Variants in C9orf72 observed in about 807,000 individuals in gnomAD.
C9orf72 encodes guanine nucleotide exchange factor C9orf72.
Under a neutral mutation model 51.6 loss-of-function variants are expected in C9orf72, and 44 were observed. That is an observed-to-expected ratio of 0.85 (90% CI 0.67 to 1.10). C9orf72 has a LOEUF of 1.10. Among genes scored for constraint, C9orf72 ranks in the 50% least tolerant of loss-of-function variants. The probability of loss-of-function intolerance (pLI) is 0.00; values close to 1 mark genes in which losing one functional copy is unlikely to be tolerated. For synonymous variants in C9orf72, 213 were observed against 194.2 expected (o/e 1.10, Z -0.81); for missense variants, 607 against 570.6 (o/e 1.06, Z -0.65).
At chr9:27,561,473 C>G in intron 5 of C9orf72, 112 bp downstream of exon 5, 1 of 1,178,904 alleles carries the variant, frequency 8.5e-7, no homozygotes, top group Non-Finnish European at 1.2e-6. Flanking sequence ...CGTAATGTCC[C>G]TAGAACAATC....
At chr9:27,548,507 C>CA (rs753837506) in intron 10 of C9orf72, 50 bp downstream of exon 10, 4 of 1,182,262 alleles carry the variant, frequency 3.4e-6, no homozygotes, top group East Asian at 3.0e-5. Context: ...GGAAACAAAA[C>CA]AAAAAAACAA....
chr9:27,558,089 TA>T (rs1819251816), intron 7 of C9orf72, among the ~76,000 whole-genome samples: 2 of 149,928 alleles, frequency 1.3e-5, no homozygotes, highest in Admixed American at 6.6e-5. Context: ...ATATATATTT[TA>T]GTACACATAC....
Position 27,562,389 on chromosome 9 carries a change from CT to C in C9orf72, c.591del (p.Glu198LysfsTer2). The C allele has an allele frequency of 6.4e-7, 1 of 1,570,722 alleles. No homozygotes were observed. Among genetic ancestry groups the C allele is most frequent in the Non-Finnish European group, 8.7e-7 (1 of 1,151,636 alleles). On this transcript the variant is annotated frameshift_variant, in exon 4 of 11. Transcript: ENST00000380003. LOFTEE classifies it high-confidence loss of function. The part of the protein sequence containing the change: ...LSSMKSHSVP[E>X]EIDIADTVLN... ...CTCTCATTTAAACTTACATCTATTT[CT>C]TCAGGAACACTGTGTGATTTCATAG...
rs188774537 is a variant in C9orf72, at chr9:27,560,795, T to C, written c.666-496A>G. The C allele has an allele frequency of 3.4e-5, 33 of 972,584 alleles. No homozygotes were observed. The African/African-American group carries it at 5.5e-4, about 16-fold the overall frequency. The allele number at this position is 972,584 out of a possible 1,614,324, so 60.2% of individuals were successfully genotyped here. A position where few individuals can be genotyped will look rare whatever the true frequency, so the allele number is the denominator to read the frequency against. On this transcript the variant is annotated intron_variant, in intron 5 of 10. Coordinates refer to ENST00000380003, the MANE Select transcript of C9orf72 (RefSeq NM_018325.5). ...ACATAAAAGTGAATACTTTATACTT[T>C]TACTTCTCTTTTATTAAAAGTAAAA...
At chr9:27,551,892 C>A (rs956272411) in intron 8 of C9orf72, among the ~76,000 whole-genome samples, 1 of 152,206 alleles carries the variant, frequency 6.6e-6, no homozygotes, top group African/African-American at 2.4e-5. Flanking sequence ...AGATCTTTCA[C>A]CTCCCTGGTT....
At chr9:27,561,783 C>T (rs1819356338) in intron 4 of C9orf72, 134 bp from the exon 5 acceptor site, 1 of 570,064 alleles carries the variant, frequency 1.8e-6, no homozygotes, top group Non-Finnish European at 3.0e-6. Context: ...TCAAGACTCC[C>T]CAAAAAACAA....
At chr9:27,560,777 A>G in intron 5 of C9orf72, 2 of 982,684 alleles carry the variant, frequency 2.0e-6, no homozygotes, top group Non-Finnish European at 2.4e-6. Flanking sequence ...TGAACATAAA[A>G]GTGAATACTT....
At chr9:27,564,098 G>A (rs2131542509) in intron 3 of C9orf72, among the ~76,000 whole-genome samples, 1 of 138,640 alleles carries the variant, frequency 7.2e-6, no homozygotes, top group East Asian at 2.3e-4. Flanking sequence ...TTCATTCACA[G>A]TATCTCAGAC....
chr9:27,573,251 G>C (rs1173168695), intron 1 of C9orf72, among the ~76,000 whole-genome samples, 180 bp downstream of exon 1: 2 of 151,284 alleles, frequency 1.3e-5, no homozygotes, highest in African/African-American at 4.9e-5. Context: ...CCGGGGCCCG[G>C]ATGCAGGCAA....
chr9:27,564,952 T>C (rs1819431635), intron 3 of C9orf72, among the ~76,000 whole-genome samples: 1 of 152,210 alleles, frequency 6.6e-6, no homozygotes, highest in Non-Finnish European at 1.5e-5. Context: ...AAACTCTTAG[T>C]GTCTGTTCCT....
intron 5 of C9orf72, 31 bp from the exon 6 acceptor site, chr9:27,560,330 T>C (rs1352531753): frequency 5.2e-6 from 8 of 1,548,756 alleles, no homozygotes; most frequent in Non-Finnish European, 7.0e-6. Flanking sequence ...ATTAAAAACA[T>C]TGCCTATAAA....
intron 5 of C9orf72, 181 bp downstream of exon 5, chr9:27,561,404 A>G: frequency 7.3e-7 from 1 of 1,372,734 alleles, no homozygotes; most frequent in Non-Finnish European, 9.4e-7. Context: ...AATAACACCA[A>G]ATATATATAG....
At position 27,566,688 on chromosome 9, in the gene C9orf72, A is replaced by C. The variant is rs1455815295; in HGVS notation, c.433T>G (p.Trp145Gly). Residue 145 changes from tryptophan to glycine, a missense_variant, in exon 2 of 11, where the codon TGG becomes GGG. Trp to Gly is a radical substitution (Grantham distance 184). Transcript: ENST00000380003. ...LTHIIRKGRI[W>G]MHKERQENVQ... ...GAAAAATCACTTACCTTATGCATCC[A>C]TATTCTTCCTTTCCGGATTATATGT... 5.0e-6 allele frequency: 8 copies of C among 1,599,280 alleles called. No homozygotes were observed. Among genetic ancestry groups the C allele is most frequent in the Non-Finnish European group, 6.8e-6 (8 of 1,170,536 alleles).
At chr9:27,551,680 A>T (rs1820911750) in intron 8 of C9orf72, among the ~76,000 whole-genome samples, 1 of 152,268 alleles carries the variant, frequency 6.6e-6, no homozygotes. Context: ...GTCATTATTG[A>T]CTGGGCACTG....
At chr9:27,567,534 T>C (rs1244918912) in intron 1 of C9orf72, among the ~76,000 whole-genome samples, 1 of 152,158 alleles carries the variant, frequency 6.6e-6, no homozygotes, top group African/African-American at 2.4e-5. Context: ...GACTGGAGAT[T>C]TGGCCCCTAA....
intron 8 of C9orf72, among the ~76,000 whole-genome samples, chr9:27,551,988 T>TG (rs1331463167): frequency 3.0e-4 from 45 of 152,182 alleles, no homozygotes; most frequent in African/African-American, 1.1e-3. Flanking sequence ...TGGAAGGTGT[T>TG]GGAGTATAGA....
At chr9:27,564,296 A>C (rs1387629825) in intron 3 of C9orf72, among the ~76,000 whole-genome samples, 1 of 152,146 alleles carries the variant, frequency 6.6e-6, no homozygotes, top group Non-Finnish European at 1.5e-5. Flanking sequence ...TAAGAAGAGC[A>C]CTTAAAAGAG....
rs1461589085 is a variant in C9orf72, at chr9:27,573,421, C to G, written c.-45+10G>C. On this transcript the variant is annotated intron_variant, in intron 1 of 10. Transcript: ENST00000380003. ...ACAGCCACCCGCCAGGATGCCGCCT[C>G]CTCACTCACCCACTCGCCACCGCCT... The G allele has an allele frequency of 6.6e-6, 1 of 152,082 alleles. No homozygotes were observed. The highest frequency in any genetic ancestry group is 1.9e-4 in the East Asian group (1 of 5,184). 9.4% of individuals were successfully genotyped at this position (152,082 alleles called of 1,614,324 possible).
chr9:27,554,772 C>T (rs1820976097), intron 8 of C9orf72: 1 of 393,528 alleles, frequency 2.5e-6, no homozygotes, highest in Non-Finnish European at 4.5e-6. Context: ...GACTCTGTGA[C>T]AATAGACTTA....
Sources: allele counts gnomAD v4.1 joint callset (sites outside exome capture counted in the v4.1 genomes callset), GRCh38; gene constraint gnomAD v4.1.1; transcripts MANE v1.5; gene names NCBI Gene and HGNC (gene_info 2026-07-23, HGNC 2026-07-21).